Variants in PRKCE observed in about 807,000 individuals in gnomAD.
PRKCE encodes the protein protein kinase C epsilon.
A neutral mutation model predicts 85.4 loss-of-function variants in PRKCE; 16 were observed. That is an observed-to-expected ratio of 0.19 (90% confidence interval 0.13 to 0.28). PRKCE has a LOEUF of 0.28. Among genes scored for constraint, PRKCE ranks in the 10% least tolerant of loss-of-function variants. The pLI is 1.00. For missense variants in PRKCE, 573 were observed against 975.2 expected, an observed-to-expected ratio of 0.59 and a Z score of 5.49; for synonymous variants, 388 against 371.5, an observed-to-expected ratio of 1.04 and a Z score of -0.51.
chr2:46,159,937 C>T lies in PRKCE; in HGVS notation c.2067+185C>T, dbSNP rs760002218. On this transcript the variant is annotated intron_variant, in intron 14 of 14. Transcript: ENST00000306156. This position sits in a 1 kb window ranked among gnomAD's most constrained non-coding sequence, Gnocchi z 4.1. Reference sequence around the variant, plus strand: ...GGCCCCAAGTGTTTACTATTGAAAACATGTAACCTACTACAGCAGCACCCA... The same window carrying T: ...GGCCCCAAGTGTTTACTATTGAAAATATGTAACCTACTACAGCAGCACCCA... 168 of 636,540 alleles carry T rather than the reference C, an allele frequency of 2.6e-4. 1 individual carries two copies. Among genetic ancestry groups the T allele is most frequent in the South Asian group, 1.2e-3 (50 of 41,668 alleles). 39.4% of individuals were successfully genotyped at this position (636,540 alleles called of 1,614,324 possible). A position where few individuals can be genotyped will look rare whatever the true frequency, so the allele number is the denominator to read the frequency against.
chr2:45,947,731 A>C (rs1700337714), intron 2 of PRKCE, among the ~76,000 whole-genome samples: 1 of 152,192 alleles, frequency 6.6e-6, no homozygotes, highest in Admixed American at 6.5e-5. Flanking sequence ...TCCAATTGAT[A>C]GGCACTTAGG....
chr2:45,833,149 A>G (rs1690574544), intron 1 of PRKCE, among the ~76,000 whole-genome samples: 1 of 151,724 alleles, frequency 6.6e-6, no homozygotes, highest in Non-Finnish European at 1.5e-5. Flanking sequence ...AAAAAAAAAA[A>G]AAAAGAAAAG....
At chr2:46,104,117 G>C (rs972561311) in intron 11 of PRKCE, among the ~76,000 whole-genome samples, 6 of 152,294 alleles carry the variant, frequency 3.9e-5, no homozygotes, top group African/African-American at 1.4e-4. Flanking sequence ...TCCTCTGCCA[G>C]ATTGCCTAAT....
At chr2:45,897,549 G>A (rs1011610783) in intron 2 of PRKCE, among the ~76,000 whole-genome samples, 1 of 152,206 alleles carries the variant, frequency 6.6e-6, no homozygotes, top group African/African-American at 2.4e-5. Context: ...ATGCAATTGA[G>A]TATCTTTAGT....
intron 11 of PRKCE, among the ~76,000 whole-genome samples, chr2:46,143,603 A>G (rs1675775837): frequency 6.6e-6 from 1 of 152,176 alleles, no homozygotes; most frequent in South Asian, 2.1e-4. Flanking sequence ...GGCTACAACC[A>G]GTGCTACAAA....
intron 2 of PRKCE, among the ~76,000 whole-genome samples, chr2:45,958,598 G>C (rs72802901): frequency 0.018 from 2,707 of 149,860 alleles, 46 homozygotes; most frequent in South Asian, 0.028. Context: ...ACCCCCTTGA[G>C]ATGTCCTGGC....
intron 2 of PRKCE, among the ~76,000 whole-genome samples, chr2:45,957,617 T>C (rs1028377477): frequency 3.3e-5 from 5 of 152,214 alleles, no homozygotes; most frequent in African/African-American, 4.8e-5. Context: ...AGATAGTTCT[T>C]AAATGTGGCA....
intron 10 of PRKCE, among the ~76,000 whole-genome samples, chr2:46,037,180 C>T (rs1365837255): frequency 1.3e-5 from 2 of 152,218 alleles, no homozygotes; most frequent in Non-Finnish European, 2.9e-5. Flanking sequence ...TAAGTCTCTG[C>T]GGTCTGCAGG....
At chr2:46,080,972 T>TACACACACACACACACACACAC (rs112421012) in intron 10 of PRKCE, among the ~76,000 whole-genome samples, 2 of 147,692 alleles carry the variant, frequency 1.4e-5, no homozygotes, top group South Asian at 2.2e-4. Context: ...CAGTTATGCA[T>TACACACACACACACACACACAC]ACACACACAC....
chr2:46,163,955 TGA>T (rs1325411706), intron 14 of PRKCE, among the ~76,000 whole-genome samples: 1 of 151,038 alleles, frequency 6.6e-6, no homozygotes, highest in Non-Finnish European at 1.5e-5. Context: ...CAGAGGCCAC[TGA>T]GAGACACGGG....
At position 46,010,363 on chromosome 2, in the gene PRKCE, A is replaced by G. The variant is rs1343244492; in HGVS notation, c.1283A>G (p.Lys428Arg). The G allele has an allele frequency of 1.9e-6, 3 of 1,596,092 alleles. No individual in the cohort carries two copies. ...TTGCAGGTCATGTTGGCAGAACTCA[A>G]GGGCAAAGATGAAGTATATGCTGTG... ...SFGKVMLAEL[K>R]GKDEVYAVKV... The change falls in exon 10 of 15, where the codon AAG (lysine) becomes AGG (arginine). Residue 428 changes from lysine (K) to arginine (R), a missense_variant. Physicochemically the swap from Lys to Arg is conservative, Grantham distance 26 (BLOSUM62 2). Coordinates refer to ENST00000306156, the MANE Select transcript of PRKCE (RefSeq NM_005400.3).
chr2:45,701,961 G>C (rs1380792112), intron 1 of PRKCE, among the ~76,000 whole-genome samples: 1 of 152,176 alleles, frequency 6.6e-6, no homozygotes, highest in Non-Finnish European at 1.5e-5. Context: ...GGGAGGCTGA[G>C]GCGGATCACC....
chr2:45,964,908 T>G, intron 2 of PRKCE, among the ~76,000 whole-genome samples: 1 of 152,194 alleles, frequency 6.6e-6, no homozygotes, highest in East Asian at 1.9e-4. Flanking sequence ...CAGTTTTGTT[T>G]TCATACCTGG....
intron 10 of PRKCE, among the ~76,000 whole-genome samples, chr2:46,060,849 C>A (rs549762753): frequency 6.6e-6 from 1 of 151,640 alleles, no homozygotes; most frequent in African/African-American, 2.4e-5. Flanking sequence ...GCAACCTCTG[C>A]CTCCTAGGTT....
intron 11 of PRKCE, among the ~76,000 whole-genome samples, chr2:46,090,606 G>T (rs147792440): frequency 6.6e-6 from 1 of 152,196 alleles, no homozygotes; most frequent in East Asian, 1.9e-4. Flanking sequence ...TATTTCTCCA[G>T]TCTTTGTTTG....
At chr2:46,005,685 C>G (rs900430745) in intron 8 of PRKCE, among the ~76,000 whole-genome samples, 2 of 152,100 alleles carry the variant, frequency 1.3e-5, no homozygotes, top group African/African-American at 4.8e-5. Flanking sequence ...ACCTTCTTAC[C>G]CAGGAGTAAA....
At chr2:45,702,957 T>G (rs562288712) in intron 1 of PRKCE, among the ~76,000 whole-genome samples, 1 of 152,112 alleles carries the variant, frequency 6.6e-6, no homozygotes, top group Non-Finnish European at 1.5e-5. Flanking sequence ...GCTAAGGCCA[T>G]AGCTAACAGC....
chr2:46,066,268 AC>A (rs1207419510), intron 10 of PRKCE, among the ~76,000 whole-genome samples: 2 of 152,182 alleles, frequency 1.3e-5, no homozygotes, highest in African/African-American at 4.8e-5. Context: ...CTATACACCT[AC>A]TTGAGCACTG....
At chr2:45,842,413 G>A (rs1342792465) in intron 1 of PRKCE, among the ~76,000 whole-genome samples, 1 of 152,064 alleles carries the variant, frequency 6.6e-6, no homozygotes, top group African/African-American at 2.4e-5. Context: ...GATGATAAAC[G>A]CCATAAAAGC....
Sources: allele counts gnomAD v4.1 joint callset (sites outside exome capture counted in the v4.1 genomes callset), GRCh38; gene constraint gnomAD v4.1.1; non-coding constraint Gnocchi (gnomAD v3.1); transcripts MANE v1.5; gene names NCBI Gene and HGNC (gene_info 2026-07-23, HGNC 2026-07-21).